Variants in WWOX observed in about 807,000 individuals in gnomAD.
WWOX encodes the protein WW domain containing oxidoreductase.
Under a neutral mutation model 46.2 loss-of-function variants are expected in WWOX, and 69 were observed. That is an observed-to-expected ratio of 1.49 (90% CI 1.23 to 1.82). WWOX has a LOEUF of 1.82. WWOX is among the 40% of genes most tolerant of loss of function. WWOX has a pLI of 0.00. For missense variants in WWOX, 919 were observed against 542.6 expected, an observed-to-expected ratio of 1.69 and a Z score of -6.89; for synonymous variants, 359 against 202.6, an observed-to-expected ratio of 1.77 and a Z score of -6.56.
intron 5 of WWOX, among the ~76,000 whole-genome samples, chr16:78,321,290 ACG>A (rs758265391): frequency 0.26 from 33,018 of 126,472 alleles, 6,620 homozygotes; most frequent in East Asian, 0.58. Context: ...ATATATATAT[ACG>A]TATATATATA....
chr16:78,393,746 T>G (rs1476275890), intron 6 of WWOX, among the ~76,000 whole-genome samples: 1 of 152,158 alleles, frequency 6.6e-6, no homozygotes, highest in Non-Finnish European at 1.5e-5. Context: ...GATCATGGAT[T>G]TTTATGTCTC....
chr16:78,401,510 T>G (rs568468131), intron 6 of WWOX, among the ~76,000 whole-genome samples: 25 of 152,256 alleles, frequency 1.6e-4, no homozygotes, highest in African/African-American at 6.0e-4. Flanking sequence ...GTAACCTGTA[T>G]CCTGTCTTGG....
At chr16:78,785,369 G>A (rs959323977) in intron 8 of WWOX, among the ~76,000 whole-genome samples, 1 of 152,174 alleles carries the variant, frequency 6.6e-6, no homozygotes, top group South Asian at 2.1e-4. Flanking sequence ...AAGAAACTCA[G>A]TTAAGGCTGT....
intron 8 of WWOX, among the ~76,000 whole-genome samples, chr16:78,449,302 G>A (rs1245168926): frequency 6.6e-6 from 1 of 152,180 alleles, no homozygotes; most frequent in Admixed American, 6.5e-5. Flanking sequence ...TGTAACCACG[G>A]AAGTGACGTC....
At chr16:78,807,721 A>T (rs528427535) in intron 8 of WWOX, among the ~76,000 whole-genome samples, 1 of 152,210 alleles carries the variant, frequency 6.6e-6, no homozygotes, top group East Asian at 1.9e-4. Context: ...ACTGTTACAT[A>T]ATTGGGGCTT....
At chr16:78,896,119 A>G (rs1487457716) in intron 8 of WWOX, 1 of 152,166 alleles carries the variant, frequency 6.6e-6, no homozygotes, top group Non-Finnish European at 1.5e-5. Flanking sequence ...TAAGATAGAA[A>G]TAGTAGGTTT....
intron 5 of WWOX, among the ~76,000 whole-genome samples, chr16:78,320,414 A>G (rs995464658): frequency 6.6e-6 from 1 of 152,144 alleles, no homozygotes; most frequent in Non-Finnish European, 1.5e-5. Flanking sequence ...AACATGACTG[A>G]ACTTGCACAG....
intron 5 of WWOX, among the ~76,000 whole-genome samples, chr16:78,312,893 C>G (rs1397939384): frequency 6.6e-6 from 1 of 152,208 alleles, no homozygotes; most frequent in Non-Finnish European, 1.5e-5. Flanking sequence ...TTCCCACTGC[C>G]TCTGTCTATG....
At chr16:78,339,990 G>A (rs1333924477) in intron 5 of WWOX, among the ~76,000 whole-genome samples, 1 of 54,376 alleles carries the variant, frequency 1.8e-5, no homozygotes, top group African/African-American at 6.5e-5. Flanking sequence ...TTCAGGGATA[G>A]TTCTTCTAGT....
chr16:78,835,043 T>C (rs939653196), intron 8 of WWOX, among the ~76,000 whole-genome samples: 1 of 152,166 alleles, frequency 6.6e-6, no homozygotes, highest in Non-Finnish European at 1.5e-5. Flanking sequence ...TTAAAGGGGT[T>C]TGGAGGGCGT....
chr16:79,161,584 G>A (rs567698540), intron 8 of WWOX, among the ~76,000 whole-genome samples: 4 of 152,198 alleles, frequency 2.6e-5, no homozygotes, highest in Non-Finnish European at 5.9e-5. Context: ...GTGCAGTGGC[G>A]TGATCTTGGC....
intron 8 of WWOX, among the ~76,000 whole-genome samples, chr16:79,063,791 C>T (rs1046165729): frequency 1.3e-5 from 2 of 152,182 alleles, no homozygotes; most frequent in African/African-American, 4.8e-5. Context: ...ATAGAGCAAA[C>T]ATCCATTTCT....
chr16:78,409,838 G>A (rs2082635049), intron 6 of WWOX, among the ~76,000 whole-genome samples: 1 of 152,138 alleles, frequency 6.6e-6, no homozygotes, highest in Non-Finnish European at 1.5e-5. Context: ...CCTTAGCCCT[G>A]TAGTCCCATT....
rs541391559 is a variant in WWOX at position 78,485,222 on chromosome 16, T to C, written c.1056+52470T>C. ...ACTGAGTGGGAAGTGTAGAGTTTCA[T>C]ATACTCCCTGTCCTCACACATGCAC... On this transcript the variant is annotated intron_variant, in intron 8 of 8. Transcript: ENST00000566780. Among the ~76,000 whole-genome samples the C allele has an allele frequency of 2.6e-5, 4 of 152,320 alleles. No homozygotes were observed. In the South Asian group the frequency reaches 6.2e-4, roughly 24 times the overall value.
At chr16:78,474,425 T>A (rs1049258728) in intron 8 of WWOX, among the ~76,000 whole-genome samples, 5 of 152,244 alleles carry the variant, frequency 3.3e-5, no homozygotes, top group South Asian at 4.1e-4. Flanking sequence ...TGAAGAAAGC[T>A]TAAATGTCTC....
At chr16:78,587,787 A>C (rs1269258497) in intron 8 of WWOX, among the ~76,000 whole-genome samples, 1 of 151,990 alleles carries the variant, frequency 6.6e-6, no homozygotes, top group East Asian at 1.9e-4. Flanking sequence ...CTGTTATATG[A>C]TCCTTAGGCC....
At chr16:78,547,143 A>G (rs970596957) in intron 8 of WWOX, among the ~76,000 whole-genome samples, 3 of 47,244 alleles carry the variant, frequency 6.4e-5, no homozygotes, top group Middle Eastern at 0.026. Flanking sequence ...AAAAAAAAAA[A>G]AAAAAAAAAA....
chr16:78,389,390 C>T lies in WWOX; in HGVS notation c.605+2442C>T, dbSNP rs143428583. Among the ~76,000 whole-genome samples, 721 of 152,280 alleles carry T rather than the reference C, an allele frequency of 4.7e-3. 13 individuals are homozygous for T. Among genetic ancestry groups the T allele is most frequent in the East Asian group, 0.033 (173 of 5,170 alleles). ...TGGTGGCCCTGGAAGCCACAGTAAC[C>T]GCACACAAGCTGTCACCTCAGTTGT... On this transcript the variant is annotated intron_variant, in intron 6 of 8. Transcript: ENST00000566780.
chr16:78,501,288 C>T (rs1357570545), intron 8 of WWOX, among the ~76,000 whole-genome samples: 1 of 147,936 alleles, frequency 6.8e-6, no homozygotes, highest in African/African-American at 2.5e-5. Context: ...CCCCTTGGTT[C>T]AGATATCTTT....
Sources: gnomAD v4.1 joint callset for allele counts (sites outside exome capture counted in the v4.1 genomes callset) on GRCh38, gnomAD v4.1.1 for gene constraint, MANE v1.5 for transcripts, NCBI Gene and HGNC (gene_info 2026-07-23, HGNC 2026-07-21) for gene names.